PTBP2: variants seen among roughly 807,000 people sequenced by gnomAD.
PTBP2 encodes the protein polypyrimidine tract binding protein 2.
In PTBP2, 13 loss-of-function variants were observed where a neutral mutation model predicts 61.4. The ratio of observed to expected loss-of-function variants is 0.21; its 90% CI spans 0.14 to 0.34. PTBP2 has a LOEUF of 0.34. Among genes scored for constraint, PTBP2 ranks in the 10% least tolerant of loss-of-function variants. PTBP2 has a pLI of 1.00. For missense variants in PTBP2, 405 were observed against 642.6 expected (o/e 0.63, Z 4.00); for synonymous variants, 215 against 218.5 (o/e 0.98, Z 0.14).
chr1:96,731,075 A>G lies in PTBP2; in HGVS notation c.39+7481A>G, dbSNP rs986646138. On this transcript the variant is annotated intron_variant, in intron 2 of 13. Transcript: ENST00000674951. ...TCTACCTCATTCTTTGTTAATGACA[A>G]TGGAGGATACTCGTGTGGCTGCACC... Among the ~76,000 whole-genome samples the G allele has an allele frequency of 3.9e-5, 6 of 152,130 alleles. No homozygotes were observed. The South Asian group carries it at 1.2e-3, about 32-fold the overall frequency.
chr1:96,766,319 A>G (rs1450640140), intron 3 of PTBP2, among the ~76,000 whole-genome samples: 2 of 152,244 alleles, frequency 1.3e-5, no homozygotes, highest in African/African-American at 4.8e-5. Flanking sequence ...TAAAATTTAT[A>G]TGCATAAATA....
chr1:96,760,446 T>TG (rs1484808719), intron 3 of PTBP2, among the ~76,000 whole-genome samples: 4 of 131,090 alleles, frequency 3.1e-5, no homozygotes, highest in African/African-American at 1.1e-4. Flanking sequence ...TTTGCTTTTT[T>TG]TTTTTTTTTT....
At chr1:96,736,575 A>T (rs566247065) in intron 2 of PTBP2, among the ~76,000 whole-genome samples, 52 of 152,346 alleles carry the variant, frequency 3.4e-4, no homozygotes, top group African/African-American at 1.2e-3. Flanking sequence ...TTAGTCTGAA[A>T]GAAGAATGTA....
downstream of PTBP2, chr1:96,819,664 C>T (rs1476372359): frequency 1.4e-5 from 1 of 73,128 alleles, no homozygotes; most frequent in Non-Finnish European, 2.7e-5. Context: ...ACTTTAAAAC[C>T]TCCCTCCCCC....
intron 8 of PTBP2, among the ~76,000 whole-genome samples, chr1:96,789,771 T>A (rs1659591259): frequency 6.6e-6 from 1 of 152,110 alleles, no homozygotes; most frequent in Non-Finnish European, 1.5e-5. Context: ...GCGCTGACAC[T>A]TAGTTTTATC....
intron 2 of PTBP2, among the ~76,000 whole-genome samples, chr1:96,745,376 A>G (rs1653614911): frequency 6.6e-6 from 1 of 151,926 alleles, no homozygotes; most frequent in Admixed American, 6.6e-5. Context: ...GTTAGCCAGG[A>G]TGGTTTTGAT....
downstream of PTBP2, chr1:96,816,573 A>G (rs985902062): frequency 6.6e-6 from 1 of 152,090 alleles, no homozygotes; most frequent in Non-Finnish European, 1.5e-5. Context: ...AATGAAGAAA[A>G]TTTTTCCTTA....
rs1428574655 is a variant in PTBP2, at chr1:96,762,405, C to T, written c.116-7298C>T. ...CTGGCCGGGCGGGGGGCTGACCCCC[C>T]CACCTCCCTCCCGGATGGGGCAGCT... On this transcript the variant is annotated intron_variant, in intron 3 of 13. Transcript: ENST00000674951. 2.7e-5 allele frequency among the ~76,000 whole-genome samples: 4 copies of T among 149,054 alleles called. No homozygotes were observed. In the South Asian group the frequency reaches 6.3e-4, roughly 24 times the overall value.
intron 11 of PTBP2, among the ~76,000 whole-genome samples, chr1:96,807,595 C>A (rs1661623289): frequency 6.6e-6 from 1 of 152,184 alleles, no homozygotes; most frequent in East Asian, 1.9e-4. Flanking sequence ...CATTTCTGTT[C>A]ATTGAGATTC....
In PTBP2 at chr1:96,780,859, T is replaced by C. The variant is rs1570925751; in HGVS notation, c.708+2913T>C. On this transcript the variant is annotated intron_variant, in intron 7 of 13. Transcript: ENST00000674951. ...TTTGGTGTCCGCTGTGTTAGGAAAG[T>C]GCAAGATACCAACTTCAGTCTCATT... 3.9e-5 allele frequency among the ~76,000 whole-genome samples: 6 copies of C among 152,070 alleles called. No homozygotes were observed. The South Asian group carries it at 1.2e-3, about 31-fold the overall frequency.
intron 2 of PTBP2, among the ~76,000 whole-genome samples, chr1:96,728,147 C>G (rs1360446206): frequency 6.6e-6 from 1 of 152,086 alleles, no homozygotes; most frequent in East Asian, 1.9e-4. Flanking sequence ...GCACCATGCC[C>G]AGCTAACTTT....
chr1:96,761,816 A>G (rs909282553), intron 3 of PTBP2, among the ~76,000 whole-genome samples: 2 of 151,890 alleles, frequency 1.3e-5, no homozygotes, highest in African/African-American at 4.8e-5. Flanking sequence ...ATAGGACAAT[A>G]GTGGAGGGAA....
intron 11 of PTBP2, among the ~76,000 whole-genome samples, chr1:96,810,129 T>A (rs1033544361): frequency 6.6e-6 from 1 of 152,184 alleles, no homozygotes; most frequent in Non-Finnish European, 1.5e-5. Context: ...AAATTTTTAT[T>A]ATTCGTTAAT....
intron 3 of PTBP2, among the ~76,000 whole-genome samples, chr1:96,762,759 G>A (rs1452399159): frequency 2.6e-4 from 40 of 151,174 alleles, no homozygotes; most frequent in African/African-American, 8.5e-4. Context: ...ACTGCCGGGC[G>A]GAGACGCTCC....
chr1:96,745,681 A>G (rs1347395089), intron 2 of PTBP2, among the ~76,000 whole-genome samples: 2 of 152,106 alleles, frequency 1.3e-5, no homozygotes, highest in South Asian at 4.2e-4. Flanking sequence ...GGATAGTTTT[A>G]TAATACTCAT....
intron 1 of PTBP2, among the ~76,000 whole-genome samples, chr1:96,722,693 GCTAT>G (rs980817915): frequency 2.0e-5 from 3 of 152,166 alleles, no homozygotes; most frequent in Non-Finnish European, 4.4e-5. Context: ...TCAACAAAGG[GCTAT>G]CTCTTTAGCT....
At chr1:96,790,504 C>T (rs1659681143) in intron 8 of PTBP2, among the ~76,000 whole-genome samples, 2 of 151,822 alleles carry the variant, frequency 1.3e-5, no homozygotes, top group South Asian at 4.2e-4. Flanking sequence ...CTTTTTCTCC[C>T]CTAATTCACA....
At chr1:96,821,298 T>G (rs1253918905) in exon 14 of PTBP2, 1 of 152,170 alleles carries the variant, frequency 6.6e-6, no homozygotes, top group South Asian at 2.1e-4. Context: ...ACAGTGTATA[T>G]ATGAGATTAA....
In PTBP2 at chr1:96,813,630, T is replaced by C; in HGVS notation, c.*225T>C. On this transcript the variant is annotated 3_prime_UTR_variant, in exon 14 of 14. Transcript: ENST00000674951. ...TTCATCTGTTCTATAGGGAAGCCAT[T>C]TTGTCTGTTTAAAATTTCAGTTTAA... 2 of 378,492 alleles carry C rather than the reference T, an allele frequency of 5.3e-6. No homozygotes were observed. Among genetic ancestry groups the C allele is most frequent in the Non-Finnish European group, 9.2e-6 (2 of 216,856 alleles). The allele number at this position is 378,492 out of a possible 1,614,324, so 23.4% of individuals were successfully genotyped here.
Sources: gnomAD v4.1 joint callset for allele counts (sites outside exome capture counted in the v4.1 genomes callset) on GRCh38, gnomAD v4.1.1 for gene constraint, MANE v1.5 for transcripts, NCBI Gene and HGNC (gene_info 2026-07-23, HGNC 2026-07-21) for gene names.